The following MED12L variants were observed in gnomAD, a reference collection of about 807,000 sequenced individuals.
MED12L encodes the protein mediator of RNA polymerase II transcription subunit 12-like protein.
MED12L carries 60 observed loss-of-function variants against 281.3 expected under a neutral mutation model. The ratio of observed to expected loss-of-function variants is 0.21; its 90% CI spans 0.17 to 0.26. MED12L has a LOEUF of 0.26. Among genes scored for constraint, MED12L ranks in the 10% least tolerant of loss-of-function variants. MED12L has a pLI of 1.00. For missense variants in MED12L, 2,146 were observed against 2,680.9 expected (o/e 0.80, Z 4.41); for synonymous variants, 974 against 987.2 (o/e 0.99, Z 0.25).
At chr3:151,195,661 A>G (rs1724550299) in intron 16 of MED12L, among the ~76,000 whole-genome samples, 1 of 152,250 alleles carries the variant, frequency 6.6e-6, no homozygotes, top group Non-Finnish European at 1.5e-5. Flanking sequence ...ATGAGCTATC[A>G]TGATGTCTGG....
At chr3:151,131,699 T>C (rs747110212) in intron 5 of MED12L, among the ~76,000 whole-genome samples, 27 of 151,006 alleles carry the variant, frequency 1.8e-4, no homozygotes, top group Non-Finnish European at 3.2e-4. Flanking sequence ...ATCCCAGATA[T>C]GAGTGTTTCA....
chr3:151,410,605 A>G (rs924015450), intron 40 of MED12L, among the ~76,000 whole-genome samples: 2 of 152,250 alleles, frequency 1.3e-5, no homozygotes, highest in Non-Finnish European at 2.9e-5. Context: ...GTGACAATAC[A>G]CAAAGAACTA....
chr3:151,194,411 A>G (rs1724384082), intron 16 of MED12L, among the ~76,000 whole-genome samples: 1 of 152,208 alleles, frequency 6.6e-6, no homozygotes, highest in Non-Finnish European at 1.5e-5. Flanking sequence ...CATAGGAAAG[A>G]CAGGAGACAA....
chr3:151,232,340 C>G (rs1464424050), intron 16 of MED12L, among the ~76,000 whole-genome samples: 1 of 152,188 alleles, frequency 6.6e-6, no homozygotes, highest in African/African-American at 2.4e-5. Context: ...TCTCTGCAAC[C>G]TTGCCAGCAT....
chr3:151,112,613 T>G (rs1712088875), intron 2 of MED12L, among the ~76,000 whole-genome samples: 1 of 152,244 alleles, frequency 6.6e-6, no homozygotes, highest in Non-Finnish European at 1.5e-5. Context: ...TTTAAGTTAC[T>G]TTCCTTTTTA....
At chr3:151,338,270 G>A in intron 16 of MED12L, 2 of 1,613,952 alleles carry the variant, frequency 1.2e-6, no homozygotes, top group South Asian at 1.1e-5. Flanking sequence ...CTTGACAGAT[G>A]TAATTTACTA....
chr3:151,330,359 G>A (rs924847910), intron 16 of MED12L, among the ~76,000 whole-genome samples: 2 of 152,156 alleles, frequency 1.3e-5, no homozygotes, highest in Non-Finnish European at 2.9e-5. Context: ...TGTATTTGGT[G>A]TATTTCGAGT....
In MED12L at chr3:151,213,179, A is replaced by G. The variant is rs1235030079; in HGVS notation, c.2250+19513A>G. ...ACTTATATTTGAATTTTATTGAACT[A>G]AATTGGATGGCAGTGCTAGAGATGA... On this transcript the variant is annotated intron_variant, in intron 16 of 44. Transcript: ENST00000687756. 15 of 743,328 alleles carry G rather than the reference A, an allele frequency of 2.0e-5. 1 individual carries two copies. Among genetic ancestry groups the G allele is most frequent in the Non-Finnish European group, 2.6e-5 (12 of 459,960 alleles). 46.0% of individuals were successfully genotyped at this position (743,328 alleles called of 1,614,324 possible).
intron 16 of MED12L, among the ~76,000 whole-genome samples, chr3:151,312,528 C>G (rs767721642): frequency 4.6e-5 from 7 of 152,226 alleles, no homozygotes; most frequent in Non-Finnish European, 8.8e-5. Flanking sequence ...ACTTGGAAAA[C>G]AAAGTTTCAC....
At chr3:151,358,814 A>G (rs1754260581) in intron 20 of MED12L, among the ~76,000 whole-genome samples, 5 of 152,184 alleles carry the variant, frequency 3.3e-5, no homozygotes, top group Admixed American at 2.0e-4. Context: ...CTTGCAAATC[A>G]AAGAAGTTGA....
At chr3:151,104,938 C>G (rs1721816710) in intron 2 of MED12L, among the ~76,000 whole-genome samples, 1 of 152,168 alleles carries the variant, frequency 6.6e-6, no homozygotes, top group Admixed American at 6.5e-5. Flanking sequence ...AGATTAGGAC[C>G]CACCCTAATT....
chr3:151,392,331 A>G (rs1157815592), intron 38 of MED12L, among the ~76,000 whole-genome samples: 1 of 151,846 alleles, frequency 6.6e-6, no homozygotes. Context: ...TTAGCCAGGC[A>G]TGGTGGTGCC....
chr3:151,142,247 T>C (rs1717135100), intron 5 of MED12L, among the ~76,000 whole-genome samples: 1 of 152,150 alleles, frequency 6.6e-6, no homozygotes, highest in Admixed American at 6.5e-5. Context: ...TTTACAGAAT[T>C]TGCATGCTGC....
chr3:151,137,952 C>T (rs1324419794), intron 5 of MED12L, among the ~76,000 whole-genome samples: 1 of 152,032 alleles, frequency 6.6e-6, no homozygotes, highest in Non-Finnish European at 1.5e-5. Flanking sequence ...AATACCTTGA[C>T]ATATTCAAGA....
chr3:151,413,400 C>A, intron 42 of MED12L, 105 bp downstream of exon 42: 1 of 1,318,878 alleles, frequency 7.6e-7, no homozygotes. Flanking sequence ...TGCCAGATTC[C>A]AAGGATCCCT....
At chr3:151,192,491 C>T in intron 14 of MED12L, 59 bp from the exon 15 acceptor site, 3 of 1,187,360 alleles carry the variant, frequency 2.5e-6, no homozygotes, top group Non-Finnish European at 3.6e-6. Context: ...GTTTTAGCTT[C>T]AGTTTCTTGA....
rs1042524160 is a variant in MED12L at position 151,152,343 on chromosome 3, C to T, written c.557-3818C>T. On this transcript the variant is annotated intron_variant, in intron 5 of 44. Transcript: ENST00000687756. ...CCTCAAACTCCTAGTCTCAAGCAAT[C>T]GTCCTGCCTCAGCCTCCCAAAGTGT... Among the ~76,000 whole-genome samples the T allele has an allele frequency of 4.6e-5, 7 of 152,158 alleles. No individual in the cohort carries two copies. The East Asian group carries it at 9.7e-4, about 21-fold the overall frequency.
chr3:151,427,999 T>C (rs774972327), intron 43 of MED12L, among the ~76,000 whole-genome samples: 6 of 152,224 alleles, frequency 3.9e-5, no homozygotes, highest in Non-Finnish European at 8.8e-5. Context: ...AAAGCTGACC[T>C]GAATAGACAT....
At chr3:151,373,359 C>G (rs1340753651) in intron 27 of MED12L, among the ~76,000 whole-genome samples, 2 of 152,096 alleles carry the variant, frequency 1.3e-5, no homozygotes, top group Non-Finnish European at 2.9e-5. Context: ...TAAGATGTTT[C>G]CATTGTATAG....
Sources: allele counts gnomAD v4.1 joint callset (sites outside exome capture counted in the v4.1 genomes callset), GRCh38; gene constraint gnomAD v4.1.1; transcripts MANE v1.5; gene names NCBI Gene and HGNC (gene_info 2026-07-23, HGNC 2026-07-21).